The following LOC122526780 variants were observed in gnomAD, a reference collection of about 807,000 sequenced individuals.
chr17:6,639,196 A>G, the LOC122526780 span: 1 of 151,482 alleles, frequency 6.6e-6, no homozygotes, highest in South Asian at 2.1e-4. The surrounding 1 kb of genome is among the most constrained non-coding windows in gnomAD (Gnocchi z 4.3). Context: ...AGCATCGGAC[A>G]CCCCCACAGC....
the LOC122526780 span, chr17:6,638,732 CGCTGTGGCTCA>C: frequency 6.5e-6 from 1 of 153,530 alleles, no homozygotes; most frequent in East Asian, 1.9e-4. Context: ...CCCAGGCCCC[CGCTGTGGCTCA>C]GCTCTTCTCC....
At chr17:6,638,904 A>T in the LOC122526780 span, 1 of 153,338 alleles carries the variant, frequency 6.5e-6, no homozygotes, top group African/African-American at 2.4e-5. Flanking sequence ...GGGCACCCCC[A>T]GAACCTGCTG....
chr17:6,639,540 C>T, the LOC122526780 span: 2 of 152,908 alleles, frequency 1.3e-5, no homozygotes, highest in African/African-American at 2.4e-5. The surrounding 1 kb of genome is among the most constrained non-coding windows in gnomAD (Gnocchi z 4.3). Context: ...GAGGCACCCT[C>T]CCAGCCTGTC....
At chr17:6,638,631 G>A in the LOC122526780 span, 1 of 153,686 alleles carries the variant, frequency 6.5e-6, no homozygotes, top group Non-Finnish European at 1.4e-5. Flanking sequence ...TTTCCCACGG[G>A]CTCAGAACAT....
chr17:6,639,676 C>T, the LOC122526780 span: 7 of 153,142 alleles, frequency 4.6e-5, no homozygotes, highest in African/African-American at 1.7e-4. The surrounding 1 kb of genome is among the most constrained non-coding windows in gnomAD (Gnocchi z 4.3). Flanking sequence ...ACCGCCGCGG[C>T]TTGTCTCTAC....
chr17:6,637,560 A>G, the LOC122526780 span: 1 of 152,726 alleles, frequency 6.5e-6, no homozygotes, highest in African/African-American at 2.4e-5. Flanking sequence ...GGCCAGAGAC[A>G]TGCTCAAAGA....
the LOC122526780 span, chr17:6,637,054 G>C: frequency 6.6e-6 from 1 of 152,542 alleles, no homozygotes; most frequent in African/African-American, 2.4e-5. Context: ...ACAGGTGTGA[G>C]ATGTCCCCAC....
the LOC122526780 span, chr17:6,639,684 T>C: frequency 6.5e-6 from 1 of 152,970 alleles, no homozygotes; most frequent in Non-Finnish European, 1.5e-5. This position sits in a 1 kb window ranked among gnomAD's most constrained non-coding sequence, Gnocchi z 4.3. Context: ...GGCTTGTCTC[T>C]ACCCAGGAAG....
chr17:6,639,286 CCTCTCCCCCACAGACCTGCAGCACCG>C, the LOC122526780 span: 1 of 152,360 alleles, frequency 6.6e-6, no homozygotes, highest in Admixed American at 6.6e-5. This position sits in a 1 kb window ranked among gnomAD's most constrained non-coding sequence, Gnocchi z 4.3. Context: ...CGGGGACTGT[CCTCTCCCCCACAGACCTGCAGCACCG>C]CCACAGCCGA....
the LOC122526780 span, chr17:6,637,026 T>A: frequency 6.6e-6 from 1 of 152,356 alleles, no homozygotes; most frequent in Admixed American, 6.5e-5. Context: ...GACAGCTCCA[T>A]AACCTGGCCC....
the LOC122526780 span, chr17:6,637,056 T>A: frequency 6.6e-6 from 1 of 152,522 alleles, no homozygotes; most frequent in Admixed American, 6.5e-5. Flanking sequence ...AGGTGTGAGA[T>A]GTCCCCACAG....
chr17:6,638,275 G>A, the LOC122526780 span: 1 of 152,892 alleles, frequency 6.5e-6, no homozygotes. Context: ...GGGTCCCCCC[G>A]AAGCCACAGA....
chr17:6,639,040 C>T, the LOC122526780 span: 2 of 152,918 alleles, frequency 1.3e-5, no homozygotes, highest in Non-Finnish European at 2.9e-5. This position sits in a 1 kb window ranked among gnomAD's most constrained non-coding sequence, Gnocchi z 4.3. Context: ...ACCTCCACAT[C>T]TAGTTTCCTC....
the LOC122526780 span, chr17:6,637,325 G>C: frequency 2.0e-5 from 3 of 152,216 alleles, no homozygotes; most frequent in African/African-American, 7.2e-5. Context: ...CTTCTCCACA[G>C]GCCTGAGACA....
At chr17:6,638,351 C>G in the LOC122526780 span, 1 of 152,734 alleles carries the variant, frequency 6.5e-6, no homozygotes, top group Admixed American at 6.5e-5. Flanking sequence ...TCCTGACACA[C>G]AGGACCAGAC....
chr17:6,638,757 G>A, the LOC122526780 span: 1 of 152,862 alleles, frequency 6.5e-6, no homozygotes, highest in Non-Finnish European at 1.5e-5. Context: ...CTTCTCCCAG[G>A]GCTCCAGGTA....
chr17:6,637,610 T>G, the LOC122526780 span: 1 of 152,546 alleles, frequency 6.6e-6, no homozygotes, highest in Admixed American at 6.6e-5. Flanking sequence ...CCCACAGCCA[T>G]GGACACTCCT....
the LOC122526780 span, chr17:6,640,122 C>G: frequency 2.6e-5 from 4 of 152,618 alleles, no homozygotes; most frequent in Admixed American, 1.3e-4. Context: ...TCACACAGCG[C>G]GTCTCCCACT....
At chr17:6,639,643 T>C in the LOC122526780 span, 106,234 of 152,730 alleles carry the variant, frequency 0.7, 37,859 homozygotes, top group African/African-American at 0.87. This position sits in a 1 kb window ranked among gnomAD's most constrained non-coding sequence, Gnocchi z 4.3. Context: ...CCTTGCCTGT[T>C]CCTTCACCCA....
Sources: gnomAD v4.1 joint callset for allele counts on GRCh38, gnomAD v4.1.1 for gene constraint, Gnocchi (gnomAD v3.1) non-coding constraint, MANE v1.5 for transcripts.